The following TTLL11 variants were observed in gnomAD, a reference collection of about 807,000 sequenced individuals.
The protein encoded by TTLL11 is tubulin polyglutamylase TTLL11.
In TTLL11, 42 loss-of-function variants were observed where a neutral mutation model predicts 51.7. That is an observed-to-expected ratio of 0.81 (90% CI 0.64 to 1.05). The LOEUF (loss-of-function observed/expected upper bound fraction) is 1.05, where lower values mean the gene tolerates loss of function less well. Ranked by LOEUF, TTLL11 falls within the 50% of genes least tolerant of loss-of-function variation. The pLI is 0.00. For synonymous variants in TTLL11, 381 were observed against 383.5 expected (o/e 0.99, Z 0.08); for missense variants, 799 against 940.4 (o/e 0.85, Z 1.97).
chr9:122,064,901 G>A (rs564021514), intron 1 of TTLL11, among the ~76,000 whole-genome samples: 2 of 152,196 alleles, frequency 1.3e-5, no homozygotes, highest in Admixed American at 1.3e-4. Context: ...TTTATAAGGG[G>A]CAGCTTGGGG....
At position 121,996,643 on chromosome 9, in the gene TTLL11, A is replaced by G. The variant is rs570931665; in HGVS notation, c.694-6873T>C. Among the ~76,000 whole-genome samples, 75 of 152,324 alleles carry G rather than the reference A, an allele frequency of 4.9e-4. No homozygotes were observed. In the Middle Eastern group the frequency reaches 0.01, roughly 21 times the overall value. ...TTAGGGAAAGTATGTGAAAACCACAATTACTTTTGCACCAACCTAAATAAT... is the reference window on the plus strand; with the variant it reads ...TTAGGGAAAGTATGTGAAAACCACAGTTACTTTTGCACCAACCTAAATAAT... On this transcript the variant is annotated intron_variant, in intron 3 of 8. Coordinates refer to ENST00000321582, the MANE Select transcript of TTLL11 (RefSeq NM_001139442.2).
chr9:121,934,264 A>AAATAAATAAATCAATCAATC (rs1424864629), intron 6 of TTLL11, among the ~76,000 whole-genome samples: 14 of 151,760 alleles, frequency 9.2e-5, no homozygotes, highest in African/African-American at 3.4e-4. Context: ...ATAAATAAAT[A>AAATAAATAAATCAATCAATC]AATCCATTCG....
intron 8 of TTLL11, among the ~76,000 whole-genome samples, chr9:121,842,464 T>A (rs1305166392): frequency 6.6e-6 from 1 of 151,786 alleles, no homozygotes; most frequent in Non-Finnish European, 1.5e-5. Context: ...AGAGTCAGGG[T>A]CTCGCTATGT....
chr9:121,969,283 T>C (rs1295620634), intron 6 of TTLL11, among the ~76,000 whole-genome samples: 3 of 152,104 alleles, frequency 2.0e-5, no homozygotes, highest in South Asian at 2.1e-4. Context: ...AGAGTCAGGA[T>C]TGGAATCTCA....
Position 121,989,645 on chromosome 9 carries a change from G to T in TTLL11, c.819C>A (p.Thr273=). 1 of 1,614,124 alleles carries T rather than the reference G, an allele frequency of 6.2e-7. No homozygotes were observed. The highest frequency in any genetic ancestry group is 1.7e-5 in the Admixed American group (1 of 60,024). Residue 273 remains threonine (T), a synonymous_variant, in exon 4 of 9, where the codon ACC becomes ACA. Coordinates refer to ENST00000321582, the MANE Select transcript of TTLL11 (RefSeq NM_001139442.2). The surrounding 1 kb of genome is among the most constrained non-coding windows in gnomAD (Gnocchi z 4.2). ...KDPSDIRLAG[T]LQSRPAVVQE... is the part of the protein sequence containing the mutation. ...GGACCACCGCTGGCCTGCTCTGGAG[G>T]GTCCCTGCCAGGCGGATGTCACTGG...
intron 6 of TTLL11, among the ~76,000 whole-genome samples, chr9:121,877,619 G>A (rs1042816520): frequency 3.3e-5 from 5 of 152,038 alleles, no homozygotes; most frequent in South Asian, 2.1e-4. Flanking sequence ...ACATATCATC[G>A]ACAGCAACAA....
intron 8 of TTLL11, among the ~76,000 whole-genome samples, chr9:121,843,104 G>A (rs1837408730): frequency 6.6e-6 from 1 of 151,940 alleles, no homozygotes; most frequent in African/African-American, 2.4e-5. Context: ...TGGGGGCCGA[G>A]GCTGGAGGAT....
chr9:121,934,718 G>A (rs1278135882), intron 6 of TTLL11, among the ~76,000 whole-genome samples: 5 of 152,174 alleles, frequency 3.3e-5, no homozygotes, highest in African/African-American at 1.2e-4. Flanking sequence ...AGTCCCTACA[G>A]CCTTACTGCG....
At chr9:121,957,500 A>C (rs1262750926) in intron 6 of TTLL11, among the ~76,000 whole-genome samples, 1 of 152,040 alleles carries the variant, frequency 6.6e-6, no homozygotes, top group Non-Finnish European at 1.5e-5. Context: ...AAGCACCACC[A>C]ATTACTGAGT....
chr9:121,822,757 G>T lies in TTLL11; in HGVS notation c.1963C>A (p.Leu655Met). 6 of 1,551,692 alleles carry T rather than the reference G, an allele frequency of 3.9e-6. No individual in the cohort carries two copies. The highest frequency in any genetic ancestry group is 5.2e-6 in the Non-Finnish European group (6 of 1,146,990). ...IDLCEYHLSL[L>M]DEKRLVCGRG... is the part of the protein sequence containing the mutation. Reference sequence around the variant, plus strand: ...CCACACACCAGGCGTTTTTCATCCAGCAGGGACAGGTGGTACTCGCAAAGG... The same window carrying T: ...CCACACACCAGGCGTTTTTCATCCATCAGGGACAGGTGGTACTCGCAAAGG... Residue 655 changes from leucine to methionine, a missense_variant, in exon 9 of 9, where the codon CTG becomes ATG. By Grantham distance (15) the Leu-to-Met change is conservative (BLOSUM62 2). This residue lies in a region of TTLL11 where 165 missense variants were observed against 166.1 expected (regional missense o/e 0.99). Coordinates refer to ENST00000321582, the MANE Select transcript of TTLL11 (RefSeq NM_001139442.2). This position sits in a 1 kb window ranked among gnomAD's most constrained non-coding sequence, Gnocchi z 5.8.
intron 1 of TTLL11, among the ~76,000 whole-genome samples, chr9:122,069,393 C>T (rs2131889654): frequency 6.6e-6 from 1 of 152,226 alleles, no homozygotes; most frequent in Non-Finnish European, 1.5e-5. Context: ...ACAAGAAAGG[C>T]TGGAAGGGGC....
At chr9:121,876,989 GAC>G (rs1838590019) in intron 6 of TTLL11, among the ~76,000 whole-genome samples, 1 of 152,234 alleles carries the variant, frequency 6.6e-6, no homozygotes, top group Non-Finnish European at 1.5e-5. Flanking sequence ...GGCAGCTTTA[GAC>G]ACACAGATTT....
At chr9:122,068,347 G>C (rs1845644396) in intron 1 of TTLL11, among the ~76,000 whole-genome samples, 1 of 152,154 alleles carries the variant, frequency 6.6e-6, no homozygotes, top group African/African-American at 2.4e-5. Context: ...CTCTGAGGAA[G>C]GGAACTATAG....
chr9:121,893,602 C>T (rs1451699776), intron 6 of TTLL11, among the ~76,000 whole-genome samples: 3 of 152,116 alleles, frequency 2.0e-5, no homozygotes, highest in Non-Finnish European at 2.9e-5. Flanking sequence ...CCCCACTCTG[C>T]GATGTTCCTT....
chr9:121,975,908 A>G (rs559893857), intron 4 of TTLL11, among the ~76,000 whole-genome samples: 1 of 152,342 alleles, frequency 6.6e-6, no homozygotes, highest in African/African-American at 2.4e-5. Context: ...CTGATTATTC[A>G]TAGTCTCACT....
At chr9:121,895,534 T>C (rs1353709274) in intron 6 of TTLL11, among the ~76,000 whole-genome samples, 1 of 149,980 alleles carries the variant, frequency 6.7e-6, no homozygotes, top group African/African-American at 2.5e-5. Context: ...TGACTGTGAC[T>C]GTGTGTTTCG....
At chr9:122,019,835 A>G (rs12339727) in intron 3 of TTLL11, among the ~76,000 whole-genome samples, 6,700 of 152,300 alleles carry the variant, frequency 0.044, 174 homozygotes, top group African/African-American at 0.073. Context: ...ACTGAATCAT[A>G]GGGGCAGTTT....
At chr9:121,952,306 T>A (rs757192249) in intron 6 of TTLL11, among the ~76,000 whole-genome samples, 5 of 151,980 alleles carry the variant, frequency 3.3e-5, no homozygotes, top group Non-Finnish European at 7.4e-5. Flanking sequence ...ATTAGCCACG[T>A]GTGGTGGCAC....
At chr9:122,053,413 A>G (rs10115522) in intron 1 of TTLL11, among the ~76,000 whole-genome samples, 64,298 of 151,348 alleles carry the variant, frequency 0.42, 15,371 homozygotes, top group African/African-American at 0.66. Flanking sequence ...AGCCTGGGGG[A>G]AAGGGGAACA....
Sources: gnomAD v4.1 joint callset for allele counts (sites outside exome capture counted in the v4.1 genomes callset) on GRCh38, gnomAD v4.1.1 for gene constraint, gnomAD v4.1.1 regional missense constraint, Gnocchi (gnomAD v3.1) non-coding constraint, MANE v1.5 for transcripts, NCBI Gene and HGNC (gene_info 2026-07-23, HGNC 2026-07-21) for gene names.